Variants in DNMBP observed in about 807,000 individuals in gnomAD.
The protein encoded by DNMBP is dynamin binding protein, also known as dynamin-binding protein.
DNMBP carries 87 observed loss-of-function variants against 150.0 expected under a neutral mutation model. That is an observed-to-expected ratio of 0.58 (90% CI 0.49 to 0.69). DNMBP has a LOEUF of 0.69. Ranked by LOEUF, DNMBP falls within the 30% of genes least tolerant of loss-of-function variation. The pLI is 0.00. For synonymous variants in DNMBP, 711 were observed against 750.4 expected, an observed-to-expected ratio of 0.95 and a Z score of 0.86; for missense variants, 1,774 against 1,949.0, an observed-to-expected ratio of 0.91 and a Z score of 1.69.
At chr10:99,978,246 A>G (rs1418150675) in intron 1 of DNMBP, among the ~76,000 whole-genome samples, 1 of 152,190 alleles carries the variant, frequency 6.6e-6, no homozygotes, top group Non-Finnish European at 1.5e-5. Flanking sequence ...TATGGCAAAC[A>G]TCACTTTTCT....
intron 1 of DNMBP, among the ~76,000 whole-genome samples, chr10:99,982,979 C>T (rs2040794642): frequency 6.6e-6 from 1 of 151,758 alleles, no homozygotes; most frequent in Admixed American, 6.6e-5. Flanking sequence ...AAAAAAAATT[C>T]AAATTCTGGG....
chr10:99,938,517 C>T (rs1050433129), intron 4 of DNMBP, among the ~76,000 whole-genome samples: 5 of 152,156 alleles, frequency 3.3e-5, no homozygotes, highest in African/African-American at 9.7e-5. Context: ...TGCATTCCAG[C>T]CTCGGTGACA....
Position 99,955,441 on chromosome 10 carries a change from G to A in DNMBP, c.2033C>T (p.Pro678Leu). The change falls in exon 4 of 17, where the codon CCT (proline) becomes CTT (leucine). Residue 678 changes from proline to leucine, a missense_variant. Coordinates refer to ENST00000324109, the MANE Select transcript of DNMBP (RefSeq NM_015221.4). ...PTCETLEKEG[P>L]GHMGRSLDQT... ...GTCCAGACTCCTTCCCATATGACCA[G>A]GGCCCTCCTTTTCTAAGGTCTCACA... 6 of 1,611,360 alleles carry A rather than the reference G, an allele frequency of 3.7e-6. No homozygotes were observed. The highest frequency in any genetic ancestry group is 5.1e-6 in the Non-Finnish European group (6 of 1,178,380).
intron 4 of DNMBP, among the ~76,000 whole-genome samples, chr10:99,920,313 G>A (rs1332717923): frequency 6.6e-6 from 1 of 152,138 alleles, no homozygotes; most frequent in South Asian, 2.1e-4. Flanking sequence ...AACCTCAGGT[G>A]ATCCACTCGC....
intron 4 of DNMBP, among the ~76,000 whole-genome samples, chr10:99,954,607 G>A (rs1242958413): frequency 1.3e-5 from 2 of 151,896 alleles, no homozygotes; most frequent in Non-Finnish European, 2.9e-5. Flanking sequence ...AGCCAGGCAT[G>A]GTGGCGCTTG....
At chr10:99,946,019 C>T (rs553312900) in intron 4 of DNMBP, among the ~76,000 whole-genome samples, 8 of 152,286 alleles carry the variant, frequency 5.3e-5, no homozygotes, top group Admixed American at 1.3e-4. Context: ...TGCAGTGGCA[C>T]GATCTTGGCT....
chr10:99,894,599 GT>G (rs1187244497), intron 11 of DNMBP, among the ~76,000 whole-genome samples: 1 of 152,118 alleles, frequency 6.6e-6, no homozygotes, highest in Non-Finnish European at 1.5e-5. Flanking sequence ...TACGTTTCCT[GT>G]TTACAGCTTC....
chr10:99,911,739 AAG>A (rs1175594449), intron 4 of DNMBP, among the ~76,000 whole-genome samples: 1 of 152,222 alleles, frequency 6.6e-6, no homozygotes, highest in East Asian at 1.9e-4. Context: ...ATAACAGAAA[AAG>A]CTCTTTCTCG....
intron 1 of DNMBP, among the ~76,000 whole-genome samples, chr10:99,988,190 A>C (rs2040849397): frequency 6.6e-6 from 1 of 152,244 alleles, no homozygotes; most frequent in African/African-American, 2.4e-5. Flanking sequence ...ATGTTAAATC[A>C]ACCTTGCATT....
Position 99,956,320 on chromosome 10 carries a change from G to A in DNMBP, c.1154C>T (p.Pro385Leu), listed in dbSNP as rs143875074. The stretch of plus-strand genomic sequence containing the variant: ...TTCCCACTCCACGCCTGGGCTTCTC[G>A]GGGGCCCTCCTGCGGTGTCCTCGTC... ...YQDEDTAGGP[P>L]RSPGVEWEMP... Residue 385 changes from proline to leucine, a missense_variant, in exon 4 of 17, where the codon CCG becomes CTG. This residue lies in a region of DNMBP where 1,430 missense variants were observed against 1,492.5 expected (regional missense o/e 0.96). Coordinates refer to ENST00000324109, the MANE Select transcript of DNMBP (RefSeq NM_015221.4). The A allele has an allele frequency of 6.8e-6, 11 of 1,613,728 alleles. No homozygotes were observed. The highest frequency in any genetic ancestry group is 6.7e-5 in the Admixed American group (4 of 59,968).
chr10:99,935,088 A>ACACAC (rs1491393519), intron 4 of DNMBP, among the ~76,000 whole-genome samples: 20 of 53,958 alleles, frequency 3.7e-4, no homozygotes, highest in Non-Finnish European at 5.9e-4. Context: ...CTGTCTCCAC[A>ACACAC]AAAAAAAAAA....
chr10:99,906,277 G>A (rs942934786), intron 6 of DNMBP, among the ~76,000 whole-genome samples: 8 of 152,138 alleles, frequency 5.3e-5, no homozygotes, highest in East Asian at 1.9e-4. Context: ...TCTGGCCAAC[G>A]AGAAATAAGG....
chr10:99,990,772 TAC>T (rs1474833537), intron 1 of DNMBP, among the ~76,000 whole-genome samples: 1 of 111,604 alleles, frequency 9.0e-6, no homozygotes, highest in South Asian at 2.7e-4. Context: ...TACACATATA[TAC>T]ACATATATAC....
chr10:99,896,149 G>A (rs890475133), intron 10 of DNMBP, 118 bp downstream of exon 10: 25 of 1,221,698 alleles, frequency 2.0e-5, no homozygotes, highest in South Asian at 1.1e-4. Context: ...CCACCAGCTC[G>A]TAAAACCGGA....
At chr10:99,998,112 G>A (rs1286386959) in intron 1 of DNMBP, among the ~76,000 whole-genome samples, 2 of 150,132 alleles carry the variant, frequency 1.3e-5, no homozygotes, top group East Asian at 2.0e-4. Flanking sequence ...GCGCACACCT[G>A]TATTCCCAGC....
chr10:99,888,824 C>G lies in DNMBP; in HGVS notation c.3285+1G>C. The G allele has an allele frequency of 6.2e-7, 1 of 1,613,800 alleles. No individual in the cohort carries two copies. The highest frequency in any genetic ancestry group is 8.5e-7 in the Non-Finnish European group (1 of 1,179,904). ...CAACTTTTGAAGAAAAAGTTACTTA[C>G]AAAGTTTGTGAAGAGCTGGTCACTG... On this transcript the variant is annotated splice_donor_variant, in intron 12 of 16. Transcript: ENST00000324109. LOFTEE classifies it high-confidence loss of function.
chr10:99,889,449 A>G (rs2039523417), intron 11 of DNMBP: 1 of 152,862 alleles, frequency 6.5e-6, no homozygotes, highest in African/African-American at 2.4e-5. Context: ...TTTGCAAAAA[A>G]ATACTCTCTC....
intron 8 of DNMBP, 189 bp from the exon 9 acceptor site, chr10:99,898,474 C>T: frequency 1.4e-6 from 1 of 693,652 alleles, no homozygotes; most frequent in East Asian, 2.7e-5. Context: ...AGTCATTCAA[C>T]ATGTATTCAT....
rs750307794 is a variant in DNMBP, at chr10:99,895,010, C to T, written c.3092G>A (p.Arg1031Gln). ...AGACTTAATCAATCTTTCTTGCATT[C>T]GGAAGTTTTTTTCTGTTTCTTCAAA... is the stretch of plus-strand genomic sequence containing the variant. Reference protein sequence around the residue: ...EVFEETEKNFRMQERLIKSFI... With the variant: ...EVFEETEKNFQMQERLIKSFI... The change falls in exon 11 of 17, where the codon CGA becomes CAA. Residue 1031 changes from arginine to glutamine, a missense_variant. Coordinates refer to ENST00000324109, the MANE Select transcript of DNMBP (RefSeq NM_015221.4). 3.5e-5 allele frequency: 56 copies of T among 1,613,430 alleles called. No individual in the cohort carries two copies. Among genetic ancestry groups the T allele is most frequent in the Middle Eastern group, 1.6e-4 (1 of 6,082 alleles).
Sources: allele counts gnomAD v4.1 joint callset (sites outside exome capture counted in the v4.1 genomes callset), GRCh38; gene constraint gnomAD v4.1.1; regional missense constraint gnomAD v4.1.1; transcripts MANE v1.5; gene names NCBI Gene and HGNC (gene_info 2026-07-23, HGNC 2026-07-21).